STAU2: variants seen among roughly 807,000 people sequenced by gnomAD.
The protein encoded by STAU2 is staufen double-stranded RNA binding protein 2.
Under a neutral mutation model 65.9 loss-of-function variants are expected in STAU2, and 20 were observed. The observed-to-expected ratio is 0.30, with a 90% CI of 0.21 to 0.44. The LOEUF (loss-of-function observed/expected upper bound fraction) is 0.44. Among genes scored for constraint, STAU2 ranks in the 20% least tolerant of loss-of-function variants. The pLI is 1.00. For synonymous variants in STAU2, 232 were observed against 233.9 expected, an observed-to-expected ratio of 0.99 and a Z score of 0.07; for missense variants, 558 against 683.9, an observed-to-expected ratio of 0.82 and a Z score of 2.05.
chr8:73,472,993 C>T (rs1820115474), intron 13 of STAU2, among the ~76,000 whole-genome samples: 1 of 152,184 alleles, frequency 6.6e-6, no homozygotes, highest in Non-Finnish European at 1.5e-5. Flanking sequence ...AAACCATATA[C>T]ATTAGAATCT....
At chr8:73,553,954 T>G (rs1261241989) in intron 12 of STAU2, among the ~76,000 whole-genome samples, 3 of 152,112 alleles carry the variant, frequency 2.0e-5, no homozygotes, top group Non-Finnish European at 4.4e-5. Context: ...ATTCCTTTAT[T>G]TAGGAAATGT....
At chr8:73,528,697 T>C (rs748443454) in intron 13 of STAU2, among the ~76,000 whole-genome samples, 1 of 152,198 alleles carries the variant, frequency 6.6e-6, no homozygotes, top group Non-Finnish European at 1.5e-5. Flanking sequence ...TAAATGTGTA[T>C]AGATTTAGGA....
At chr8:73,701,111 A>C (rs1159347520) in intron 4 of STAU2, among the ~76,000 whole-genome samples, 1 of 151,984 alleles carries the variant, frequency 6.6e-6, no homozygotes, top group Non-Finnish European at 1.5e-5. Flanking sequence ...TGCCATACAC[A>C]AAAAAAATCA....
chr8:73,517,512 G>T (rs1822807131), intron 13 of STAU2, among the ~76,000 whole-genome samples: 1 of 152,104 alleles, frequency 6.6e-6, no homozygotes, highest in Non-Finnish European at 1.5e-5. Context: ...AGAAAATCTA[G>T]AAAACACTTT....
chr8:73,591,009 T>C (rs989710512), intron 11 of STAU2: 4 of 152,014 alleles, frequency 2.6e-5, no homozygotes, highest in Admixed American at 2.6e-4. Flanking sequence ...TCTGCTAAAA[T>C]AAGTAATATT....
At chr8:73,702,745 G>A (rs557933338) in intron 4 of STAU2, among the ~76,000 whole-genome samples, 1 of 152,124 alleles carries the variant, frequency 6.6e-6, no homozygotes, top group East Asian at 1.9e-4. Flanking sequence ...GATCTGAACA[G>A]ACACTTCACT....
At chr8:73,581,606 C>A (rs1809989271) in intron 12 of STAU2, among the ~76,000 whole-genome samples, 1 of 152,176 alleles carries the variant, frequency 6.6e-6, no homozygotes, top group Non-Finnish European at 1.5e-5. Flanking sequence ...ATCAAAGGAA[C>A]TGAACACAAA....
At chr8:73,542,634 G>A (rs1806616082) in intron 13 of STAU2, among the ~76,000 whole-genome samples, 1 of 152,018 alleles carries the variant, frequency 6.6e-6, no homozygotes. Context: ...TAATTATGGG[G>A]GAAAATCCCA....
At chr8:73,690,471 G>A (rs1384625230) in intron 4 of STAU2, among the ~76,000 whole-genome samples, 2 of 152,068 alleles carry the variant, frequency 1.3e-5, no homozygotes, top group Non-Finnish European at 2.9e-5. Flanking sequence ...ATGTGACTAT[G>A]AACTATACAT....
intron 13 of STAU2, among the ~76,000 whole-genome samples, chr8:73,456,438 T>C (rs1043003081): frequency 6.6e-6 from 1 of 152,178 alleles, no homozygotes; most frequent in African/African-American, 2.4e-5. Flanking sequence ...CAGGTATCTT[T>C]TGAACACCTC....
chr8:73,662,307 AAT>A (rs1816888114), intron 6 of STAU2, among the ~76,000 whole-genome samples: 1 of 152,146 alleles, frequency 6.6e-6, no homozygotes, highest in Admixed American at 6.5e-5. Flanking sequence ...GTTTCCTTCT[AAT>A]ATATGTCTTG....
intron 6 of STAU2, among the ~76,000 whole-genome samples, chr8:73,650,121 C>A (rs1815748774): frequency 6.6e-6 from 1 of 151,558 alleles, no homozygotes; most frequent in South Asian, 2.1e-4. Context: ...ACTGAATATC[C>A]AGATGTCTTG....
At chr8:73,607,903 T>C (rs1272517492) in intron 9 of STAU2, among the ~76,000 whole-genome samples, 1 of 152,192 alleles carries the variant, frequency 6.6e-6, no homozygotes, top group Non-Finnish European at 1.5e-5. Context: ...TGTAGAGACA[T>C]GGAGACATGG....
At position 73,496,149 on chromosome 8, in the gene STAU2, A is replaced by G. The variant is rs1585874462; in HGVS notation, c.1530+55863T>C. Among the ~76,000 whole-genome samples the G allele has an allele frequency of 3.3e-5, 5 of 151,552 alleles. No individual in the cohort carries two copies. The South Asian group carries it at 1.0e-3, about 32-fold the overall frequency. ...ATATTAACTATACAATTTAGGTGGTAGGTATGTGGGTATTCACTATAAAAT... is the reference window on the plus strand; with the variant it reads ...ATATTAACTATACAATTTAGGTGGTGGGTATGTGGGTATTCACTATAAAAT... On this transcript the variant is annotated intron_variant, in intron 13 of 14. Coordinates refer to ENST00000524300, the MANE Select transcript of STAU2 (RefSeq NM_001164380.2).
At chr8:73,542,243 G>A (rs538098926) in intron 13 of STAU2, among the ~76,000 whole-genome samples, 110 of 152,090 alleles carry the variant, frequency 7.2e-4, no homozygotes, top group African/African-American at 2.6e-3. Context: ...AACACAACAT[G>A]ACATACATGG....
At chr8:73,443,493 A>C (rs546785168) in intron 13 of STAU2, among the ~76,000 whole-genome samples, 62 of 152,348 alleles carry the variant, frequency 4.1e-4, no homozygotes, top group Admixed American at 2.9e-3. Context: ...ATAGTGTCTG[A>C]GATGTAATGT....
At position 73,518,562 on chromosome 8, in the gene STAU2, C is replaced by A. The variant is rs530044648; in HGVS notation, c.1530+33450G>T. Among the ~76,000 whole-genome samples the A allele has an allele frequency of 1.3e-5, 2 of 152,118 alleles. 1 individual carries two copies. The highest frequency in any genetic ancestry group is 4.1e-4 in the South Asian group (2 of 4,830). Reference sequence around the variant, plus strand: ...ATTTACAGGCACTAAAATTCAAATTCCATATAATTTTCACATGTCACGAAA... The same window carrying A: ...ATTTACAGGCACTAAAATTCAAATTACATATAATTTTCACATGTCACGAAA... On this transcript the variant is annotated intron_variant, in intron 13 of 14. Transcript: ENST00000524300.
At chr8:73,568,822 C>T (rs1709904749) in intron 12 of STAU2, among the ~76,000 whole-genome samples, 1 of 151,992 alleles carries the variant, frequency 6.6e-6, no homozygotes, top group African/African-American at 2.4e-5. Flanking sequence ...ATAAGAGTTC[C>T]AGAAGATAAC....
chr8:73,728,463 C>CAAAAAAAA (rs34893638), intron 3 of STAU2, among the ~76,000 whole-genome samples: 2 of 130,858 alleles, frequency 1.5e-5, no homozygotes, highest in African/African-American at 2.9e-5. Context: ...CCAACTTTTG[C>CAAAAAAAA]AAAAAAAAAA....
Sources: gnomAD v4.1 joint callset for allele counts (sites outside exome capture counted in the v4.1 genomes callset) on GRCh38, gnomAD v4.1.1 for gene constraint, MANE v1.5 for transcripts, NCBI Gene and HGNC (gene_info 2026-07-23, HGNC 2026-07-21) for gene names.